ZNF475: variants seen among roughly 807,000 people sequenced by gnomAD.
ZNF475 encodes zinc finger protein 475.
At chr5:122,167,592 G>T in the ZNF475 span, among the ~76,000 whole-genome samples, 9 of 152,260 alleles carry the variant, frequency 5.9e-5, no homozygotes, top group Admixed American at 5.9e-4. Flanking sequence ...CATTGCATGA[G>T]CATGGCAATG....
the ZNF475 span, among the ~76,000 whole-genome samples, chr5:122,170,074 C>T: frequency 6.6e-6 from 1 of 152,166 alleles, no homozygotes; most frequent in Non-Finnish European, 1.5e-5. Context: ...ATGTATTCAA[C>T]CATAAACAAT....
At chr5:122,166,985 G>T in the ZNF475 span, among the ~76,000 whole-genome samples, 3 of 152,192 alleles carry the variant, frequency 2.0e-5, no homozygotes, top group Non-Finnish European at 4.4e-5. Flanking sequence ...TTTTAGACAT[G>T]AAGTCCTTGC....
At chr5:122,175,756 C>A in the ZNF475 span, among the ~76,000 whole-genome samples, 1 of 152,148 alleles carries the variant, frequency 6.6e-6, no homozygotes, top group African/African-American at 2.4e-5. Context: ...TTAATCTCAT[C>A]TTCTACTGCC....
At chr5:122,168,387 C>G in the ZNF475 span, among the ~76,000 whole-genome samples, 1 of 152,134 alleles carries the variant, frequency 6.6e-6, no homozygotes, top group Non-Finnish European at 1.5e-5. Context: ...GTAGGCAGAA[C>G]CAATTTGCAT....
the ZNF475 span, chr5:122,182,507 T>C: frequency 1.3e-6 from 2 of 1,517,698 alleles, no homozygotes; most frequent in Non-Finnish European, 1.8e-6. Flanking sequence ...GCTTCTATGA[T>C]CTTGATGCTT....
chr5:122,174,385 T>A, the ZNF475 span, among the ~76,000 whole-genome samples: 1 of 152,078 alleles, frequency 6.6e-6, no homozygotes, highest in Non-Finnish European at 1.5e-5. Flanking sequence ...ATAAAATAGG[T>A]CTTCTTATCT....
At chr5:122,171,375 T>G in the ZNF475 span, among the ~76,000 whole-genome samples, 2 of 152,182 alleles carry the variant, frequency 1.3e-5, no homozygotes, top group African/African-American at 2.4e-5. Flanking sequence ...GTGAGTATCA[T>G]TCCAGGCATC....
chr5:122,175,614 A>G, the ZNF475 span, among the ~76,000 whole-genome samples: 1 of 152,170 alleles, frequency 6.6e-6, no homozygotes, highest in Non-Finnish European at 1.5e-5. Flanking sequence ...AGATCACTTT[A>G]TCTCATACTT....
chr5:122,167,263 C>A, the ZNF475 span, among the ~76,000 whole-genome samples: 2 of 151,994 alleles, frequency 1.3e-5, no homozygotes, highest in Non-Finnish European at 2.9e-5. Flanking sequence ...TCCTGAAACT[C>A]TAGGGTTGAG....
the ZNF475 span, chr5:122,179,834 C>G: frequency 1.2e-6 from 1 of 807,640 alleles, no homozygotes; most frequent in East Asian, 2.9e-5. Flanking sequence ...CGACCAAAAT[C>G]AACAACATTT....
chr5:122,172,235 AG>A, the ZNF475 span, among the ~76,000 whole-genome samples: 1 of 152,194 alleles, frequency 6.6e-6, no homozygotes, highest in African/African-American at 2.4e-5. Flanking sequence ...AGGACTTTTC[AG>A]GGAGTAAAAG....
the ZNF475 span, among the ~76,000 whole-genome samples, chr5:122,169,672 C>T: frequency 1.1e-4 from 17 of 152,066 alleles, no homozygotes; most frequent in East Asian, 5.8e-4. Context: ...AGTCAAGAGG[C>T]GGGGGGTGGA....
chr5:122,179,881 T>C, the ZNF475 span: 2 of 536,958 alleles, frequency 3.7e-6, no homozygotes, highest in South Asian at 3.3e-5. Flanking sequence ...AAAACAGTTC[T>C]GAAATGCCTG....
the ZNF475 span, among the ~76,000 whole-genome samples, chr5:122,167,869 C>T: frequency 6.6e-6 from 1 of 152,312 alleles, no homozygotes; most frequent in African/African-American, 2.4e-5. Context: ...TATATAAATA[C>T]AATCATGCTG....
the ZNF475 span, among the ~76,000 whole-genome samples, chr5:122,169,152 T>A: frequency 6.6e-6 from 1 of 152,238 alleles, no homozygotes; most frequent in Non-Finnish European, 1.5e-5. Flanking sequence ...CATACTACAG[T>A]ACTATTAAAC....
At chr5:122,179,573 A>G in the ZNF475 span, 1 of 1,521,036 alleles carries the variant, frequency 6.6e-7, no homozygotes, top group Non-Finnish European at 8.8e-7. Context: ...GGCGTCCACC[A>G]GCAGTTGTTT....
the ZNF475 span, among the ~76,000 whole-genome samples, chr5:122,177,813 G>GTGTA: frequency 3.3e-5 from 5 of 151,974 alleles, no homozygotes; most frequent in East Asian, 9.7e-4. Context: ...TGTTACATAG[G>GTGTA]TATACACGTG....
At chr5:122,172,988 G>A in the ZNF475 span, among the ~76,000 whole-genome samples, 4 of 151,804 alleles carry the variant, frequency 2.6e-5, no homozygotes, top group South Asian at 2.1e-4. Context: ...AGCCAAGATC[G>A]CGCCACTGCA....
chr5:122,178,364 G>C, the ZNF475 span, among the ~76,000 whole-genome samples: 1 of 152,226 alleles, frequency 6.6e-6, no homozygotes, highest in Non-Finnish European at 1.5e-5. Context: ...TGCACCAACA[G>C]TGTAAAAGCT....
Sources: gnomAD v4.1 joint callset for allele counts (sites outside exome capture counted in the v4.1 genomes callset) on GRCh38, gnomAD v4.1.1 for gene constraint, MANE v1.5 for transcripts, NCBI Gene and HGNC (gene_info 2026-07-23, HGNC 2026-07-21) for gene names.